TUBA1C: variants seen among roughly 807,000 people sequenced by gnomAD.
TUBA1C encodes tubulin alpha-1C chain.
TUBA1C carries 16 observed loss-of-function variants against 34.9 expected under a neutral mutation model. That is an observed-to-expected ratio of 0.46 (90% CI 0.31 to 0.70). The LOEUF (loss-of-function observed/expected upper bound fraction) is 0.70. TUBA1C is among the 30% of genes least tolerant of loss of function. TUBA1C has a pLI of 0.05. For missense variants in TUBA1C, 329 were observed against 587.3 expected, an observed-to-expected ratio of 0.56 and a Z score of 4.55; for synonymous variants, 177 against 215.9, an observed-to-expected ratio of 0.82 and a Z score of 1.58.
intron 1 of TUBA1C, among the ~76,000 whole-genome samples, chr12:49,242,789 ATCTGTGACT>A (rs1942630863): frequency 6.6e-6 from 1 of 151,930 alleles, no homozygotes; most frequent in African/African-American, 2.4e-5. Flanking sequence ...CGCCTGGCTC[ATCTGTGACT>A]TCTAATTCTG....
intron 1 of TUBA1C, among the ~76,000 whole-genome samples, chr12:49,253,702 T>A (rs1942753768): frequency 6.6e-6 from 1 of 152,058 alleles, no homozygotes. Flanking sequence ...TAATTTTAAA[T>A]TTTTTTGTAG....
At chr12:49,258,389 C>T (rs922904133) in intron 1 of TUBA1C, among the ~76,000 whole-genome samples, 5 of 151,986 alleles carry the variant, frequency 3.3e-5, no homozygotes, top group Non-Finnish European at 7.4e-5. Context: ...GCCTGGGCAA[C>T]AGAGTGAGAC....
chr12:49,244,233 A>ATTT (rs1230119149), intron 1 of TUBA1C, among the ~76,000 whole-genome samples: 1 of 152,096 alleles, frequency 6.6e-6, no homozygotes, highest in Non-Finnish European at 1.5e-5. Flanking sequence ...AAGGCCCTAA[A>ATTT]TGGGGCTCTA....
intron 1 of TUBA1C, among the ~76,000 whole-genome samples, chr12:49,252,708 G>A (rs1342563965): frequency 6.6e-6 from 1 of 152,118 alleles, no homozygotes; most frequent in South Asian, 2.1e-4. Context: ...TCAGGAGATC[G>A]AGACCATCCT....
At chr12:49,228,144 G>C in exon 1 of TUBA1C, 1 of 1,535,688 alleles carries the variant, frequency 6.5e-7, no homozygotes, top group Non-Finnish European at 8.7e-7. Context: ...AAAAGCAGAG[G>C]AGAACCTGGC....
intron 1 of TUBA1C, among the ~76,000 whole-genome samples, chr12:49,237,770 T>G (rs923390399): frequency 9.3e-3 from 938 of 101,180 alleles, no homozygotes; most frequent in Middle Eastern, 0.014. Flanking sequence ...GAAAGAGGGG[T>G]GGGGAGGCAG....
Position 49,255,405 on chromosome 12 carries a change from A to AAAATATAT in TUBA1C, c.214-14059_214-14058insAATATATA, listed in dbSNP as rs533723121. On this transcript the variant is annotated intron_variant, in intron 1 of 3. Transcript: ENST00000541364. ...CCAGCAGCTGAACTTATCTTTAAAA[A>AAAATATAT]ATATATATATATATATATATATATA... is the stretch of plus-strand genomic sequence containing the variant. Among the ~76,000 whole-genome samples the AAAATATAT allele has an allele frequency of 2.5e-3, 349 of 141,276 alleles. 3 individuals are homozygous for AAAATATAT. Among genetic ancestry groups the AAAATATAT allele is most frequent in the Non-Finnish European group, 2.4e-3 (153 of 64,912 alleles). 92.7% of individuals were successfully genotyped at this position (141,276 alleles called of 152,430 possible). A position where few individuals can be genotyped will look rare whatever the true frequency, so the allele number is the denominator to read the frequency against.
chr12:49,268,246 G>A (rs755880898), intron 1 of TUBA1C, among the ~76,000 whole-genome samples: 4 of 152,056 alleles, frequency 2.6e-5, no homozygotes, highest in Admixed American at 2.0e-4. Context: ...CTACAGGCGC[G>A]CACCACCATG....
chr12:49,228,259 C>T (rs1287170569), intron 1 of TUBA1C: 1 of 1,230,060 alleles, frequency 8.1e-7, no homozygotes, highest in Non-Finnish European at 1.1e-6. Context: ...TGTGAATTTG[C>T]TCCTATTTAT....
rs566703736 is a variant in TUBA1C, at chr12:49,247,552, C to T, written c.213+19386C>T. Among the ~76,000 whole-genome samples, 22 of 151,946 alleles carry T rather than the reference C, an allele frequency of 1.4e-4. No homozygotes were observed. In the South Asian group the frequency reaches 4.4e-3, roughly 30 times the overall value. On this transcript the variant is annotated intron_variant, in intron 1 of 3. Coordinates refer to the TUBA1C transcript ENST00000541364. ...CTGGGAGGCGGAGGTTGCAGTGAGC[C>T]GAGATTGCACCACTGCACTCTAGCC...
chr12:49,257,017 T>C (rs1395993315), intron 1 of TUBA1C, among the ~76,000 whole-genome samples: 2 of 151,598 alleles, frequency 1.3e-5, no homozygotes, highest in Non-Finnish European at 2.9e-5. Flanking sequence ...CCGTCTCTAC[T>C]AAAAATACAA....
At chr12:49,254,954 T>A (rs964198756) in intron 1 of TUBA1C, among the ~76,000 whole-genome samples, 14 of 152,204 alleles carry the variant, frequency 9.2e-5, no homozygotes, top group African/African-American at 3.4e-4. Flanking sequence ...ATATTTTTTT[T>A]TTATTTTTTA....
intron 1 of TUBA1C, among the ~76,000 whole-genome samples, chr12:49,253,871 A>C (rs1942755247): frequency 6.6e-6 from 1 of 152,202 alleles, no homozygotes; most frequent in South Asian, 2.1e-4. Flanking sequence ...AAACAAAAGA[A>C]AGTGAAGGGT....
At chr12:49,265,822 C>T (rs929545017) in intron 1 of TUBA1C, among the ~76,000 whole-genome samples, 2 of 152,104 alleles carry the variant, frequency 1.3e-5, no homozygotes, top group African/African-American at 4.8e-5. Context: ...CTACTTAAGC[C>T]GGGTTTAAAA....
intron 1 of TUBA1C, among the ~76,000 whole-genome samples, chr12:49,249,879 T>G (rs1208609712): frequency 1.3e-5 from 2 of 151,272 alleles, no homozygotes; most frequent in Non-Finnish European, 1.5e-5. Context: ...ATAATAATAA[T>G]AATAAGATTA....
intron 1 of TUBA1C, chr12:49,228,175 G>GT: frequency 6.5e-7 from 1 of 1,535,526 alleles, no homozygotes; most frequent in Non-Finnish European, 8.7e-7. Flanking sequence ...AGGTAAGGCT[G>GT]TAATAGTAAT....
At chr12:49,248,250 G>C (rs1310720077) in intron 1 of TUBA1C, among the ~76,000 whole-genome samples, 1 of 149,474 alleles carries the variant, frequency 6.7e-6, no homozygotes, top group African/African-American at 2.5e-5. Context: ...ACTCCAGCCT[G>C]GTGACAGAGC....
chr12:49,257,148 T>C (rs1942792998), intron 1 of TUBA1C, among the ~76,000 whole-genome samples: 1 of 127,466 alleles, frequency 7.8e-6, no homozygotes, highest in African/African-American at 2.9e-5. Flanking sequence ...CCACTCCATC[T>C]CAAAAAAAAA....
intron 1 of TUBA1C, among the ~76,000 whole-genome samples, chr12:49,239,678 G>A (rs1331793621): frequency 1.3e-5 from 2 of 151,802 alleles, no homozygotes; most frequent in African/African-American, 4.8e-5. Flanking sequence ...ATTGCGTGAA[G>A]CTGGGTGCAG....
Sources: allele counts gnomAD v4.1 joint callset (sites outside exome capture counted in the v4.1 genomes callset), GRCh38; gene constraint gnomAD v4.1.1; transcripts MANE v1.5; gene names NCBI Gene and HGNC (gene_info 2026-07-23, HGNC 2026-07-21).